Variants in TSHR observed in about 807,000 individuals in gnomAD.
TSHR encodes thyroid stimulating hormone receptor, also known as thyrotropin receptor.
A neutral mutation model predicts 64.1 loss-of-function variants in TSHR; 51 were observed. The observed-to-expected ratio is 0.80, with a 90% CI of 0.64 to 1.01. The LOEUF is 1.01. TSHR is among the 50% of genes least tolerant of loss of function. TSHR has a pLI of 0.00. For missense variants in TSHR, 877 were observed against 942.8 expected (o/e 0.93, Z 0.91); for synonymous variants, 361 against 361.9 (o/e 1.00, Z 0.03).
chr14:80,968,378 CT>C (rs59605693), intron 1 of TSHR, among the ~76,000 whole-genome samples: 9,719 of 145,512 alleles, frequency 0.067, 785 homozygotes, highest in African/African-American at 0.2. Flanking sequence ...GATGTCCTTA[CT>C]TTTTTTTTTT....
intron 1 of TSHR, among the ~76,000 whole-genome samples, chr14:80,990,757 C>T (rs908001937): frequency 1.3e-5 from 2 of 152,194 alleles, no homozygotes; most frequent in Middle Eastern, 3.4e-3. Context: ...TGGGTTCAAG[C>T]GATTCTCCTG....
chr14:80,991,097 G>A (rs1316207540), intron 1 of TSHR, among the ~76,000 whole-genome samples: 2 of 152,170 alleles, frequency 1.3e-5, no homozygotes, highest in South Asian at 2.1e-4. Context: ...AAAATCATCA[G>A]ATTTCAATGT....
intron 3 of TSHR, among the ~76,000 whole-genome samples, chr14:81,084,230 G>A (rs1040382159): frequency 6.6e-6 from 1 of 152,032 alleles, no homozygotes; most frequent in African/African-American, 2.4e-5. Flanking sequence ...AAAGAGCCTC[G>A]CTCCATAAAA....
At chr14:81,032,582 T>G (rs1566772268) in intron 1 of TSHR, 1 of 445,586 alleles carries the variant, frequency 2.2e-6, no homozygotes, top group Non-Finnish European at 4.5e-6. Flanking sequence ...GCTCCTTCAA[T>G]CCTGTCACCA....
Position 81,068,314 on chromosome 14 carries a change from TAA to T in TSHR, c.305_306del (p.Lys102SerfsTer18), listed in dbSNP as rs1206511483. On this transcript the variant is annotated frameshift_variant, in exon 3 of 10. Transcript: ENST00000298171. LOFTEE classifies it high-confidence loss of function. ...AATCACACTCCTTCTACAATTTGAG[TAA>T]AGTGACTCACATGTAAGTACAAGGA... ...LESHSFYNLS[K>X]VTHIEIRNTR... The T allele has an allele frequency of 1.2e-6, 2 of 1,612,932 alleles. No individual in the cohort carries two copies. The highest frequency in any genetic ancestry group is 8.5e-7 in the Non-Finnish European group (1 of 1,179,348).
At chr14:80,985,377 T>C (rs966045409) in intron 1 of TSHR, among the ~76,000 whole-genome samples, 1 of 152,248 alleles carries the variant, frequency 6.6e-6, no homozygotes, top group Admixed American at 6.5e-5. Context: ...CTTTATCTTT[T>C]ACTAGTAGGC....
chr14:81,060,321 T>G (rs1469947441), intron 1 of TSHR, among the ~76,000 whole-genome samples: 2 of 152,162 alleles, frequency 1.3e-5, no homozygotes, highest in African/African-American at 4.8e-5. Flanking sequence ...CACAGAGATT[T>G]TGGTAGAATG....
At chr14:81,056,774 C>T (rs180875994) in intron 1 of TSHR, among the ~76,000 whole-genome samples, 24 of 152,264 alleles carry the variant, frequency 1.6e-4, no homozygotes, top group African/African-American at 4.8e-4. Flanking sequence ...ACTCACAAAT[C>T]CACTTGGATT....
At chr14:81,127,346 T>G (rs1188656433) in intron 8 of TSHR, among the ~76,000 whole-genome samples, 1 of 152,066 alleles carries the variant, frequency 6.6e-6, no homozygotes. Flanking sequence ...CTAAAAGAAA[T>G]AAACACTTAA....
chr14:81,116,190 T>G (rs1890500103), intron 8 of TSHR, among the ~76,000 whole-genome samples: 1 of 150,134 alleles, frequency 6.7e-6, no homozygotes, highest in African/African-American at 2.5e-5. Flanking sequence ...ATATTAACTT[T>G]AAATGTAAAT....
chr14:80,997,985 T>C (rs917047136), intron 1 of TSHR, among the ~76,000 whole-genome samples: 1 of 152,202 alleles, frequency 6.6e-6, no homozygotes. Context: ...ATTCTCTCAT[T>C]TGGGACTTGG....
intron 1 of TSHR, among the ~76,000 whole-genome samples, chr14:81,004,850 A>G (rs1450478187): frequency 6.6e-6 from 1 of 152,224 alleles, no homozygotes; most frequent in Non-Finnish European, 1.5e-5. Flanking sequence ...GATGCCCCAC[A>G]GGTGTTAACA....
At chr14:81,035,501 G>A (rs1339248003) in intron 1 of TSHR, among the ~76,000 whole-genome samples, 1 of 152,190 alleles carries the variant, frequency 6.6e-6, no homozygotes, top group Non-Finnish European at 1.5e-5. Context: ...TGCCGAGGAT[G>A]CTGCTGATGC....
intron 1 of TSHR, chr14:81,053,950 GATTA>G (rs1445619513): frequency 1.3e-5 from 2 of 152,190 alleles, no homozygotes; most frequent in African/African-American, 2.4e-5. Context: ...GCTAATTTTT[GATTA>G]TTTATGTGAA....
chr14:81,122,408 G>T (rs182517799), intron 8 of TSHR, among the ~76,000 whole-genome samples: 1 of 150,550 alleles, frequency 6.6e-6, no homozygotes, highest in Admixed American at 6.6e-5. Flanking sequence ...TTCAAACAAA[G>T]ACACCCAAAT....
At chr14:81,105,106 T>C in intron 7 of TSHR, 12 of 985,378 alleles carry the variant, frequency 1.2e-5, no homozygotes, top group Non-Finnish European at 1.4e-5. Flanking sequence ...TCTAAAATAA[T>C]CATTTTCTAG....
intron 1 of TSHR, among the ~76,000 whole-genome samples, chr14:81,001,942 TAA>T (rs547698988): frequency 7.2e-4 from 110 of 152,268 alleles, no homozygotes; most frequent in African/African-American, 2.5e-3. Flanking sequence ...CCTCCCCTTC[TAA>T]GACACACTTG....
chr14:81,019,431 A>G (rs947510173), intron 1 of TSHR, among the ~76,000 whole-genome samples: 6 of 147,934 alleles, frequency 4.1e-5, no homozygotes, highest in African/African-American at 1.5e-4. Context: ...AAATGTGGAT[A>G]TGTTAGTGCA....
Position 81,103,699 on chromosome 14 carries a change from G to T in TSHR, c.615-4676G>T, listed in dbSNP as rs1258783577. The T allele has an allele frequency of 1.0e-6, 1 of 985,350 alleles. No homozygotes were observed. The highest frequency in any genetic ancestry group is 1.2e-6 in the Non-Finnish European group (1 of 829,942). 61.0% of individuals were successfully genotyped at this position (985,350 alleles called of 1,614,324 possible). A position where few individuals can be genotyped will look rare whatever the true frequency, so the allele number is the denominator to read the frequency against. On this transcript the variant is annotated intron_variant, in intron 7 of 9. Coordinates refer to ENST00000298171, the MANE Select transcript of TSHR (RefSeq NM_000369.5). This position sits in a 1 kb window ranked among gnomAD's most constrained non-coding sequence, Gnocchi z 4.1. Reference sequence around the variant, plus strand: ...TACAAGCATCCCTTGCTCAACAGAAGTTGAACTGTACTTGGTCACAAGTTA... The same window carrying T: ...TACAAGCATCCCTTGCTCAACAGAATTTGAACTGTACTTGGTCACAAGTTA...
Sources: gnomAD v4.1 joint callset for allele counts (sites outside exome capture counted in the v4.1 genomes callset) on GRCh38, gnomAD v4.1.1 for gene constraint, Gnocchi (gnomAD v3.1) non-coding constraint, MANE v1.5 for transcripts, NCBI Gene and HGNC (gene_info 2026-07-23, HGNC 2026-07-21) for gene names.